Variants in KCNH7 observed in about 807,000 individuals in gnomAD.
KCNH7 encodes potassium voltage-gated channel subfamily H member 7, also known as voltage-gated inwardly rectifying potassium channel KCNH7.
Under a neutral mutation model 120.8 loss-of-function variants are expected in KCNH7, and 49 were observed. The observed-to-expected ratio is 0.41, with a 90% CI of 0.32 to 0.51. The LOEUF is 0.51. Among genes scored for constraint, KCNH7 ranks in the 20% least tolerant of loss-of-function variants. KCNH7 has a pLI of 0.38. For missense variants in KCNH7, 1,097 were observed against 1,446.6 expected, an observed-to-expected ratio of 0.76 and a Z score of 3.92; for synonymous variants, 547 against 516.1, an observed-to-expected ratio of 1.06 and a Z score of -0.81.
intron 8 of KCNH7, among the ~76,000 whole-genome samples, chr2:162,426,171 G>A (rs1366654329): frequency 6.9e-6 from 1 of 144,464 alleles, no homozygotes; most frequent in East Asian, 2.0e-4. Context: ...CCAAGTTCAC[G>A]CCACTGCACT....
intron 6 of KCNH7, among the ~76,000 whole-genome samples, chr2:162,498,858 T>C (rs941980429): frequency 6.6e-6 from 1 of 152,104 alleles, no homozygotes; most frequent in African/African-American, 2.4e-5. Flanking sequence ...AGAATGTCAC[T>C]AGTTACACAA....
At chr2:162,702,378 T>C (rs552565494) in intron 2 of KCNH7, among the ~76,000 whole-genome samples, 1 of 152,272 alleles carries the variant, frequency 6.6e-6, no homozygotes, top group African/African-American at 2.4e-5. Flanking sequence ...GATATCAATA[T>C]GTTCTGTCAA....
At chr2:162,504,101 C>T (rs1031715904) in intron 6 of KCNH7, among the ~76,000 whole-genome samples, 1 of 151,972 alleles carries the variant, frequency 6.6e-6, no homozygotes, top group African/African-American at 2.4e-5. Context: ...TCAATAGACA[C>T]ATCCATTATA....
chr2:162,444,145 T>C (rs1420271243), intron 7 of KCNH7, among the ~76,000 whole-genome samples: 1 of 152,170 alleles, frequency 6.6e-6, no homozygotes, highest in Non-Finnish European at 1.5e-5. Flanking sequence ...GAAACCTTTC[T>C]GCACTGTGTT....
At chr2:162,396,986 C>G (rs372068618) in intron 10 of KCNH7, 41 bp from the exon 11 acceptor site, 3 of 1,344,584 alleles carry the variant, frequency 2.2e-6, no homozygotes, top group Non-Finnish European at 3.2e-6. Context: ...AAAGGGAATC[C>G]AAACTCAATG....
At chr2:162,517,304 A>C (rs1691337863) in intron 4 of KCNH7, among the ~76,000 whole-genome samples, 1 of 151,712 alleles carries the variant, frequency 6.6e-6, no homozygotes, top group African/African-American at 2.4e-5. Flanking sequence ...CACAGTTCCT[A>C]TGCTGCTCCC....
rs1317459462 is a variant in KCNH7 at position 162,660,193 on chromosome 2, G to A, written c.308-123113C>T. ...TGGATTTCATTTGCTCTTCTTTTCT[G>A]GTTTCCTAAAATGGATAATTAGATT... On this transcript the variant is annotated intron_variant, in intron 2 of 15. Transcript: ENST00000332142. Among the ~76,000 whole-genome samples, 3 of 151,708 alleles carry A rather than the reference G, an allele frequency of 2.0e-5. No homozygotes were observed. In the East Asian group the frequency reaches 5.8e-4, roughly 29 times the overall value.
At chr2:162,400,481 T>A in intron 9 of KCNH7, 40 bp from the exon 10 acceptor site, 1 of 1,598,910 alleles carries the variant, frequency 6.3e-7, no homozygotes, top group East Asian at 2.2e-5. Context: ...ACCAGTGTTC[T>A]GGGTATCTCT....
intron 9 of KCNH7, among the ~76,000 whole-genome samples, chr2:162,406,309 C>T (rs977164542): frequency 6.6e-6 from 1 of 151,758 alleles, no homozygotes; most frequent in Non-Finnish European, 1.5e-5. Flanking sequence ...CTAATAGATA[C>T]CCCACATCTA....
intron 2 of KCNH7, among the ~76,000 whole-genome samples, chr2:162,660,020 T>C (rs1197067496): frequency 6.6e-6 from 1 of 152,140 alleles, no homozygotes; most frequent in Non-Finnish European, 1.5e-5. Context: ...TCTGTTTTTA[T>C]GTAGTTAGCC....
intron 2 of KCNH7, among the ~76,000 whole-genome samples, chr2:162,832,589 C>T (rs1685514194): frequency 6.6e-6 from 1 of 150,826 alleles, no homozygotes; most frequent in Admixed American, 6.6e-5. Flanking sequence ...ATAAAAACAG[C>T]TGAGATTTAG....
At chr2:162,537,406 C>A (rs1195794805) in intron 2 of KCNH7, among the ~76,000 whole-genome samples, 2 of 152,000 alleles carry the variant, frequency 1.3e-5, no homozygotes, top group Non-Finnish European at 2.9e-5. Flanking sequence ...AGAAATAATT[C>A]TTACCATTTT....
chr2:162,755,028 G>T (rs1449249457), intron 2 of KCNH7, among the ~76,000 whole-genome samples: 1 of 152,124 alleles, frequency 6.6e-6, no homozygotes, highest in Non-Finnish European at 1.5e-5. Flanking sequence ...CTACTTTATA[G>T]CATTTTTCCT....
At chr2:162,562,853 C>A (rs1156448160) in intron 2 of KCNH7, among the ~76,000 whole-genome samples, 1 of 152,082 alleles carries the variant, frequency 6.6e-6, no homozygotes, top group Non-Finnish European at 1.5e-5. Flanking sequence ...TTCTAGAATC[C>A]ATCTTTTGTA....
chr2:162,725,012 A>G (rs1687466516), intron 2 of KCNH7, among the ~76,000 whole-genome samples: 1 of 152,228 alleles, frequency 6.6e-6, no homozygotes, highest in Admixed American at 6.5e-5. Context: ...CAGCTTGCTG[A>G]TGAGAATATT....
intron 6 of KCNH7, among the ~76,000 whole-genome samples, chr2:162,503,843 A>C: frequency 6.6e-6 from 1 of 152,110 alleles, no homozygotes; most frequent in Non-Finnish European, 1.5e-5. Flanking sequence ...TGATATAATA[A>C]GTAGAAATCA....
intron 6 of KCNH7, among the ~76,000 whole-genome samples, chr2:162,481,965 C>CTATCATCTATCTATCT (rs148374578): frequency 6.6e-6 from 1 of 151,098 alleles, no homozygotes; most frequent in African/African-American, 2.4e-5. Flanking sequence ...ATCTATCTAT[C>CTATCATCTATCTATCT]ATCTATCTAT....
chr2:162,417,787 C>A (rs942469405), intron 9 of KCNH7, among the ~76,000 whole-genome samples: 1 of 152,170 alleles, frequency 6.6e-6, no homozygotes, highest in African/African-American at 2.4e-5. Context: ...ACCATCATCA[C>A]TTGTGCAAGA....
At chr2:162,656,091 T>G (rs1442734787) in intron 2 of KCNH7, among the ~76,000 whole-genome samples, 1 of 152,218 alleles carries the variant, frequency 6.6e-6, no homozygotes, top group Non-Finnish European at 1.5e-5. Context: ...TGTATATAAA[T>G]TTTGTAAAAC....
Sources: gnomAD v4.1 joint callset for allele counts (sites outside exome capture counted in the v4.1 genomes callset) on GRCh38, gnomAD v4.1.1 for gene constraint, MANE v1.5 for transcripts, NCBI Gene and HGNC (gene_info 2026-07-23, HGNC 2026-07-21) for gene names.